MPPED2: variants seen among roughly 807,000 people sequenced by gnomAD.
The protein encoded by MPPED2 is metallophosphoesterase domain containing 2, also known as metallophosphoesterase MPPED2.
A neutral mutation model predicts 33.0 loss-of-function variants in MPPED2; 5 were observed. The ratio of observed to expected loss-of-function variants is 0.15; its 90% CI spans 0.08 to 0.32. The LOEUF (loss-of-function observed/expected upper bound fraction) is 0.32. Among genes scored for constraint, MPPED2 ranks in the 10% least tolerant of loss-of-function variants. The probability of loss-of-function intolerance (pLI) is 1.00; values close to 1 mark genes in which losing one functional copy is unlikely to be tolerated. For missense variants in MPPED2, 275 were observed against 372.1 expected (o/e 0.74, Z 2.15); for synonymous variants, 136 against 141.9 (o/e 0.96, Z 0.29).
intron 2 of MPPED2, among the ~76,000 whole-genome samples, chr11:30,542,363 C>G (rs1302676661): frequency 6.6e-6 from 1 of 150,998 alleles, no homozygotes; most frequent in Non-Finnish European, 1.5e-5. Flanking sequence ...TCTGTAATCC[C>G]AGCACTTTGG....
chr11:30,519,057 G>A (rs1953699206), intron 3 of MPPED2, among the ~76,000 whole-genome samples: 1 of 151,882 alleles, frequency 6.6e-6, no homozygotes, highest in South Asian at 2.1e-4. Flanking sequence ...GGGGCGGGAG[G>A]ATCATTTGAG....
At chr11:30,404,773 C>A (rs1385207641) in intron 6 of MPPED2, among the ~76,000 whole-genome samples, 1 of 152,170 alleles carries the variant, frequency 6.6e-6, no homozygotes, top group Non-Finnish European at 1.5e-5. Context: ...CTGGGTCTTA[C>A]AAATGAAGCT....
chr11:30,455,777 T>A (rs1434338478), intron 4 of MPPED2, among the ~76,000 whole-genome samples: 2 of 152,074 alleles, frequency 1.3e-5, no homozygotes, highest in Non-Finnish European at 2.9e-5. Flanking sequence ...GTATGGGAGC[T>A]CCCCACTCAC....
At chr11:30,489,227 C>G (rs1180915156) in intron 4 of MPPED2, among the ~76,000 whole-genome samples, 1 of 152,168 alleles carries the variant, frequency 6.6e-6, no homozygotes, top group Non-Finnish European at 1.5e-5. Flanking sequence ...AACTTGAAGA[C>G]TGTCAGCAAA....
At chr11:30,526,182 T>C (rs774429778) in intron 3 of MPPED2, among the ~76,000 whole-genome samples, 1 of 152,196 alleles carries the variant, frequency 6.6e-6, no homozygotes, top group Non-Finnish European at 1.5e-5. Context: ...CTGTTACTTG[T>C]ATTAAGCAAA....
In MPPED2 at chr11:30,580,289, A is replaced by C; in HGVS notation, c.85T>G (p.Tyr29Asp). 6.2e-7 allele frequency: 1 copy of C among 1,614,078 alleles called. No individual in the cohort carries two copies. Among genetic ancestry groups the C allele is most frequent in the Non-Finnish European group, 8.5e-7 (1 of 1,179,974 alleles). Reference protein sequence around the residue: ...SSNPTQAFTHYNINQSRFQPP... With the variant: ...SSNPTQAFTHDNINQSRFQPP... The stretch of plus-strand genomic sequence containing the variant: ...TGGAATCTGCTCTGGTTGATGTTGT[A>C]GTGCGTGAATGCCTGGGTGGGGTTT... Residue 29 changes from tyrosine to aspartate, a missense_variant, in exon 2 of 7, where the codon TAC becomes GAC. By Grantham distance (160) the Tyr-to-Asp change is radical. Transcript: ENST00000358117.
chr11:30,495,209 T>C, intron 4 of MPPED2, 87 bp downstream of exon 4: 1 of 917,740 alleles, frequency 1.1e-6, no homozygotes, highest in Admixed American at 2.0e-5. Context: ...TCCTAATCAT[T>C]TTCATTTAAA....
At chr11:30,564,756 T>G (rs927999166) in intron 2 of MPPED2, among the ~76,000 whole-genome samples, 2 of 152,204 alleles carry the variant, frequency 1.3e-5, no homozygotes, top group Non-Finnish European at 2.9e-5. Flanking sequence ...TTACTGAGCA[T>G]TCACACTTAT....
intron 4 of MPPED2, among the ~76,000 whole-genome samples, chr11:30,477,847 A>G (rs503708): frequency 0.1 from 15,428 of 151,996 alleles, 1,016 homozygotes; most frequent in South Asian, 0.25. Context: ...CTCAGTTTAG[A>G]CACTTTCAAT....
intron 4 of MPPED2, among the ~76,000 whole-genome samples, chr11:30,474,862 A>G (rs550704536): frequency 6.6e-6 from 1 of 152,192 alleles, no homozygotes; most frequent in Non-Finnish European, 1.5e-5. Flanking sequence ...ACTTGCAGCC[A>G]AAAGTGTTTT....
intron 6 of MPPED2, among the ~76,000 whole-genome samples, chr11:30,395,930 T>G (rs1414750855): frequency 6.6e-6 from 1 of 152,160 alleles, no homozygotes; most frequent in East Asian, 1.9e-4. Flanking sequence ...CACTCTACAC[T>G]GTAACCGCAG....
intron 4 of MPPED2, among the ~76,000 whole-genome samples, chr11:30,421,485 A>G (rs1040246387): frequency 2.0e-5 from 3 of 152,208 alleles, no homozygotes; most frequent in Non-Finnish European, 4.4e-5. Flanking sequence ...AAAAAAAAAA[A>G]AAACATTTAT....
intron 4 of MPPED2, among the ~76,000 whole-genome samples, chr11:30,460,264 C>T (rs537820255): frequency 1.1e-4 from 16 of 152,128 alleles, no homozygotes; most frequent in South Asian, 4.2e-4. Flanking sequence ...CTTCCCGTGG[C>T]GACAATATAA....
chr11:30,391,279 C>T (rs1947771429), intron 6 of MPPED2, among the ~76,000 whole-genome samples: 1 of 152,132 alleles, frequency 6.6e-6, no homozygotes. Context: ...AAGACAAAGG[C>T]TAATTGCTCT....
intron 4 of MPPED2, among the ~76,000 whole-genome samples, chr11:30,429,472 G>T (rs1948985747): frequency 1.3e-5 from 2 of 152,196 alleles, no homozygotes; most frequent in Non-Finnish European, 2.9e-5. Flanking sequence ...CAAACTGGCA[G>T]TACACACAAT....
downstream of MPPED2, among the ~76,000 whole-genome samples, chr11:30,408,223 G>C (rs1948020319): frequency 6.6e-6 from 1 of 152,208 alleles, no homozygotes; most frequent in African/African-American, 2.4e-5. Flanking sequence ...GAGAGGATGA[G>C]GTGCCATGTA....
intron 2 of MPPED2, among the ~76,000 whole-genome samples, chr11:30,537,260 C>T (rs1016948455): frequency 3.3e-5 from 5 of 152,080 alleles, no homozygotes; most frequent in Admixed American, 6.6e-5. Context: ...CACTTATTTT[C>T]GGATTATAGG....
chr11:30,581,468 C>A (rs752730627), intron 1 of MPPED2, among the ~76,000 whole-genome samples: 1 of 152,106 alleles, frequency 6.6e-6, no homozygotes, highest in African/African-American at 2.4e-5. Flanking sequence ...TTGATCAGTG[C>A]GGTAGAGAAG....
chr11:30,578,775 A>G (rs1176196011), intron 2 of MPPED2, among the ~76,000 whole-genome samples: 3 of 152,248 alleles, frequency 2.0e-5, no homozygotes, highest in Admixed American at 1.3e-4. Context: ...ATATTGTAAC[A>G]TATTTGAAGA....
Sources: gnomAD v4.1 joint callset for allele counts (sites outside exome capture counted in the v4.1 genomes callset) on GRCh38, gnomAD v4.1.1 for gene constraint, MANE v1.5 for transcripts, NCBI Gene and HGNC (gene_info 2026-07-23, HGNC 2026-07-21) for gene names.